The following TRPM7 variants were observed in gnomAD, a reference collection of about 807,000 sequenced individuals.
TRPM7 encodes transient receptor potential cation channel subfamily M member 7.
TRPM7 carries 134 observed loss-of-function variants against 229.7 expected under a neutral mutation model. That is an observed-to-expected ratio of 0.58 (90% CI 0.51 to 0.67). The LOEUF (loss-of-function observed/expected upper bound fraction) is 0.67. Among genes scored for constraint, TRPM7 ranks in the 30% least tolerant of loss-of-function variants. The probability of loss-of-function intolerance (pLI) is 0.00; values close to 1 mark genes in which losing one functional copy is unlikely to be tolerated. For synonymous variants in TRPM7, 699 were observed against 715.2 expected (o/e 0.98, Z 0.36); for missense variants, 1,901 against 2,210.0 (o/e 0.86, Z 2.80).
chr15:50,662,150 T>C (rs1367932672), intron 2 of TRPM7, among the ~76,000 whole-genome samples: 1 of 152,040 alleles, frequency 6.6e-6, no homozygotes, highest in Non-Finnish European at 1.5e-5. Flanking sequence ...GTCAGGAGAT[T>C]GAACCATCCT....
intron 13 of TRPM7, among the ~76,000 whole-genome samples, chr15:50,617,179 T>A (rs924302370): frequency 2.3e-4 from 30 of 133,236 alleles, no homozygotes; most frequent in East Asian, 4.4e-4. Flanking sequence ...AATAAATAAA[T>A]AAAATAAATT....
rs556407473 is a variant in TRPM7, at chr15:50,658,784, C to T, written c.84-965G>A. On this transcript the variant is annotated intron_variant, in intron 2 of 38. Transcript: ENST00000646667. ...GTATAAAATGAAAATTGTACAAGGT[C>T]GTTGACTGCAGAATTTTTTTCCTAA... 4.3e-4 allele frequency among the ~76,000 whole-genome samples: 65 copies of T among 152,246 alleles called. 1 individual carries two copies. The South Asian group carries it at 0.011, about 26-fold the overall frequency.
intron 20 of TRPM7, 120 bp downstream of exon 20, chr15:50,607,080 C>T (rs894666344): frequency 7.3e-6 from 6 of 824,678 alleles, no homozygotes; most frequent in African/African-American, 1.7e-5. Context: ...ACAGGTTCTA[C>T]ACTTCTACAA....
intron 22 of TRPM7, among the ~76,000 whole-genome samples, chr15:50,598,129 T>A (rs2059680870): frequency 6.6e-6 from 1 of 151,786 alleles, no homozygotes. Flanking sequence ...TAATCACCCA[T>A]AAATACGTAG....
chr15:50,625,368 A>G (rs137942822), intron 11 of TRPM7, among the ~76,000 whole-genome samples: 57 of 152,202 alleles, frequency 3.7e-4, no homozygotes, highest in African/African-American at 1.3e-3. Flanking sequence ...TCTCCAATCT[A>G]TCTTCGATTT....
chr15:50,620,912 A>G (rs11631085), intron 12 of TRPM7, among the ~76,000 whole-genome samples: 22,186 of 151,126 alleles, frequency 0.15, 2,207 homozygotes, highest in Admixed American at 0.28. Flanking sequence ...AGTCTCAGCA[A>G]CAAGAGTGAA....
At chr15:50,662,587 T>C (rs2061754817) in intron 2 of TRPM7, among the ~76,000 whole-genome samples, 1 of 152,196 alleles carries the variant, frequency 6.6e-6, no homozygotes, top group African/African-American at 2.4e-5. Flanking sequence ...ACATGAACCA[T>C]AGTGTTGGAT....
At chr15:50,679,538 A>ATATATATATATATTT (rs1400383980) in intron 1 of TRPM7, among the ~76,000 whole-genome samples, 1 of 43,896 alleles carries the variant, frequency 2.3e-5, no homozygotes, top group African/African-American at 1.1e-4. Context: ...ATATATATAT[A>ATATATATATATATTT]TTTTTTTTTT....
intron 17 of TRPM7, 136 bp downstream of exon 17, chr15:50,610,957 A>C: frequency 1.5e-6 from 1 of 670,824 alleles, no homozygotes; most frequent in Non-Finnish European, 2.5e-6. Context: ...ATGAAATGCC[A>C]ATCATCCATC....
At position 50,678,559 on chromosome 15, in the gene TRPM7, T is replaced by C. The variant is rs912998579; in HGVS notation, c.3+7972A>G. The stretch of plus-strand genomic sequence containing the variant: ...ATATATATACACACACACACACATA[T>C]ACATAATTTTATTATGTCACAGAGT... On this transcript the variant is annotated intron_variant, in intron 1 of 38. Transcript: ENST00000646667. 4.0e-5 allele frequency among the ~76,000 whole-genome samples: 6 copies of C among 148,810 alleles called. No homozygotes were observed. The South Asian group carries it at 8.4e-4, about 21-fold the overall frequency.
chr15:50,589,820 T>C (rs914476234), intron 26 of TRPM7, among the ~76,000 whole-genome samples, 164 bp from the exon 27 acceptor site: 1 of 151,872 alleles, frequency 6.6e-6, no homozygotes, highest in Non-Finnish European at 1.5e-5. Flanking sequence ...AAATTGAAAA[T>C]TGCCAAGAAG....
At chr15:50,584,325 T>C (rs1235862755) in intron 28 of TRPM7, among the ~76,000 whole-genome samples, 1 of 152,206 alleles carries the variant, frequency 6.6e-6, no homozygotes, top group East Asian at 1.9e-4. Flanking sequence ...CAGAATACAT[T>C]ATATTCTGAA....
At chr15:50,643,199 G>GAATT in intron 5 of TRPM7, 141 bp downstream of exon 5, 1 of 638,700 alleles carries the variant, frequency 1.6e-6, no homozygotes, top group Admixed American at 2.8e-5. Flanking sequence ...TGAGGCAGGA[G>GAATT]AATTGCTTGA....
intron 38 of TRPM7, among the ~76,000 whole-genome samples, chr15:50,567,194 T>C (rs916036775): frequency 6.6e-5 from 10 of 152,264 alleles, no homozygotes; most frequent in Admixed American, 5.9e-4. Flanking sequence ...TTTATTATTA[T>C]ACTTTAAGTT....
chr15:50,658,261 T>G (rs1282539765), intron 2 of TRPM7, among the ~76,000 whole-genome samples: 1 of 152,026 alleles, frequency 6.6e-6, no homozygotes. Context: ...TGCCTCGGCC[T>G]CCCAAAGTGC....
chr15:50,686,666 T>G lies in TRPM7; in HGVS notation c.-133A>C. On this transcript the variant is annotated 5_prime_UTR_variant, in exon 1 of 39. Coordinates refer to ENST00000646667, the MANE Select transcript of TRPM7 (RefSeq NM_017672.6). ...CGGACAAGGAACGCCCAGGGAAACC[T>G]TCTCAGAACTAACTCAGCTCCGGCG... The G allele has an allele frequency of 2.4e-6, 3 of 1,238,312 alleles. No individual in the cohort carries two copies. The highest frequency in any genetic ancestry group is 2.2e-6 in the Non-Finnish European group (2 of 896,506). The allele number at this position is 1,238,312 out of a possible 1,614,324, so 76.7% of individuals were successfully genotyped here. A position where few individuals can be genotyped will look rare whatever the true frequency, so the allele number is the denominator to read the frequency against.
intron 38 of TRPM7, among the ~76,000 whole-genome samples, chr15:50,562,341 G>A (rs1039339902): frequency 6.6e-6 from 1 of 152,134 alleles, no homozygotes; most frequent in Admixed American, 6.6e-5. Flanking sequence ...TATTGACCAT[G>A]AGTCAGAAAC....
intron 3 of TRPM7, among the ~76,000 whole-genome samples, chr15:50,656,535 T>A (rs1164604951): frequency 6.7e-6 from 1 of 149,972 alleles, no homozygotes; most frequent in Non-Finnish European, 1.5e-5. Flanking sequence ...AGGGTCTCAC[T>A]ATGCTACCCG....
intron 9 of TRPM7, among the ~76,000 whole-genome samples, chr15:50,631,977 T>C (rs1289392077): frequency 2.0e-5 from 3 of 152,166 alleles, no homozygotes; most frequent in Non-Finnish European, 4.4e-5. Context: ...CATAGCACCA[T>C]TTCAGAAATT....
Sources: allele counts gnomAD v4.1 joint callset (sites outside exome capture counted in the v4.1 genomes callset), GRCh38; gene constraint gnomAD v4.1.1; transcripts MANE v1.5; gene names NCBI Gene and HGNC (gene_info 2026-07-23, HGNC 2026-07-21).